KLF12: variants seen among roughly 807,000 people sequenced by gnomAD.
KLF12 encodes KLF transcription factor 12, also known as Krueppel-like factor 12.
KLF12 carries 9 observed loss-of-function variants against 37.8 expected under a neutral mutation model. The observed-to-expected ratio is 0.24, with a 90% CI of 0.14 to 0.42. The LOEUF (loss-of-function observed/expected upper bound fraction) is 0.42, where lower values mean the gene tolerates loss of function less well. Ranked by LOEUF, KLF12 falls within the 10% of genes least tolerant of loss-of-function variation. The pLI, the probability that KLF12 is intolerant of heterozygous loss-of-function variation, is 1.00. For synonymous variants in KLF12, 208 were observed against 202.1 expected (o/e 1.03, Z -0.25); for missense variants, 411 against 516.0 (o/e 0.80, Z 1.97).
chr13:74,261,922 A>G, the KLF12 span, among the ~76,000 whole-genome samples: 32 of 152,338 alleles, frequency 2.1e-4, no homozygotes, highest in Admixed American at 1.6e-3. Flanking sequence ...ATGCTCATCC[A>G]TTGAGCAAGA....
chr13:74,288,927 T>A, the KLF12 span, among the ~76,000 whole-genome samples: 1 of 152,158 alleles, frequency 6.6e-6, no homozygotes, highest in African/African-American at 2.4e-5. Flanking sequence ...CATTCAAGCT[T>A]CTCTTGCATT....
chr13:74,103,312 T>TAGCTGATCATTTGA (rs765532375), intron 1 of KLF12, among the ~76,000 whole-genome samples: 4 of 152,244 alleles, frequency 2.6e-5, no homozygotes, highest in Non-Finnish European at 4.4e-5. Context: ...AGTATCCTTG[T>TAGCTGATCATTTGA]AGCTGATCAT....
chr13:74,051,305 TAAAG>T (rs1872904870), intron 1 of KLF12, among the ~76,000 whole-genome samples: 1 of 149,198 alleles, frequency 6.7e-6, no homozygotes, highest in Admixed American at 6.8e-5. Flanking sequence ...GATGAATGGA[TAAAG>T]AAAATGTGGT....
At chr13:74,192,166 T>TA in the KLF12 span, among the ~76,000 whole-genome samples, 20 of 150,712 alleles carry the variant, frequency 1.3e-4, no homozygotes, top group Non-Finnish European at 2.1e-4. Context: ...ACTATTAACT[T>TA]AAAAAAAAAT....
intron 2 of KLF12, among the ~76,000 whole-genome samples, chr13:73,971,780 A>G (rs1313451777): frequency 6.6e-6 from 1 of 152,198 alleles, no homozygotes; most frequent in Non-Finnish European, 1.5e-5. Context: ...CTGTAATACT[A>G]CCACTTTGGG....
intron 2 of KLF12, among the ~76,000 whole-genome samples, chr13:73,972,786 A>G (rs967338329): frequency 1.3e-5 from 2 of 151,034 alleles, no homozygotes; most frequent in African/African-American, 4.9e-5. Context: ...AGCACACTCA[A>G]GGTTGTGTGT....
intron 1 of KLF12, among the ~76,000 whole-genome samples, chr13:74,051,534 A>C (rs1316676517): frequency 6.6e-6 from 1 of 152,116 alleles, no homozygotes; most frequent in African/African-American, 2.4e-5. Context: ...AAAATGAGTG[A>C]AACAGCAGAG....
rs796531350 is a variant in KLF12, at chr13:73,928,105, C to T, written c.123+15876G>A. The stretch of plus-strand genomic sequence containing the variant: ...TCTCTTGACCTCATGATCTGCCTGC[C>T]TCAGCCTCCCACAATGCTGGGATTA... On this transcript the variant is annotated intron_variant, in intron 3 of 7. Coordinates refer to ENST00000377669, the MANE Select transcript of KLF12 (RefSeq NM_007249.5). Among the ~76,000 whole-genome samples the T allele has an allele frequency of 7.4e-4, 113 of 152,294 alleles. 1 individual carries two copies. The highest frequency in any genetic ancestry group is 2.7e-3 in the African/African-American group (112 of 41,576).
chr13:74,238,424 G>T, the KLF12 span, among the ~76,000 whole-genome samples: 1 of 138,442 alleles, frequency 7.2e-6, no homozygotes, highest in Non-Finnish European at 1.5e-5. Context: ...GTCTCTGCCT[G>T]GCTTTGGTAT....
intron 5 of KLF12, among the ~76,000 whole-genome samples, chr13:73,805,650 GAGGAAGGAAGGAAGGAAGGAAGGAAGGA>G (rs1164051826): frequency 0.014 from 528 of 36,932 alleles, 1 homozygote; most frequent in Middle Eastern, 0.048. Flanking sequence ...GGGAGGGAGG[GAGGAAGGAAGGAAGGAAGGAAGGAAGGA>G]AGGAAGGAAG....
intron 1 of KLF12, among the ~76,000 whole-genome samples, chr13:74,005,421 G>T (rs17218691): frequency 1.3e-5 from 2 of 152,070 alleles, no homozygotes; most frequent in Admixed American, 6.5e-5. Context: ...GGTGAAAAAA[G>T]ACATCGTATA....
At chr13:73,732,393 T>C (rs1447973502) in intron 6 of KLF12, among the ~76,000 whole-genome samples, 3 of 152,194 alleles carry the variant, frequency 2.0e-5, no homozygotes, top group African/African-American at 7.2e-5. Context: ...CCTGGCTGTT[T>C]AACCCCATTT....
At chr13:73,782,237 A>G (rs1881013320) in intron 5 of KLF12, among the ~76,000 whole-genome samples, 2 of 152,196 alleles carry the variant, frequency 1.3e-5, no homozygotes, top group Non-Finnish European at 2.9e-5. Flanking sequence ...GGGATAGTTC[A>G]AAACAATGCC....
chr13:74,140,293 T>A, the KLF12 span, among the ~76,000 whole-genome samples: 1 of 152,058 alleles, frequency 6.6e-6, no homozygotes, highest in African/African-American at 2.4e-5. Flanking sequence ...GAAGCGGAAG[T>A]GACAGGATTG....
intron 3 of KLF12, among the ~76,000 whole-genome samples, chr13:73,892,819 A>C (rs867422536): frequency 2.0e-5 from 3 of 152,170 alleles, no homozygotes; most frequent in Non-Finnish European, 4.4e-5. Context: ...AGTTACAATA[A>C]ACCATTTACT....
chr13:73,974,109 A>G (rs2138127874), intron 2 of KLF12, among the ~76,000 whole-genome samples: 1 of 152,276 alleles, frequency 6.6e-6, no homozygotes, highest in South Asian at 2.1e-4. Flanking sequence ...GAGAAAAGAT[A>G]AGAGGCACAA....
intron 6 of KLF12, among the ~76,000 whole-genome samples, chr13:73,749,489 T>A (rs961006945): frequency 7.2e-5 from 11 of 152,110 alleles, no homozygotes; most frequent in African/African-American, 2.2e-4. Context: ...AAAAGATTTT[T>A]AAAAAAATAG....
chr13:74,077,300 G>T (rs1874622881), intron 1 of KLF12, among the ~76,000 whole-genome samples: 1 of 151,986 alleles, frequency 6.6e-6, no homozygotes, highest in Non-Finnish European at 1.5e-5. Flanking sequence ...ACTGTATTTG[G>T]ACTATGAGTA....
At chr13:74,204,925 G>A in the KLF12 span, among the ~76,000 whole-genome samples, 1 of 152,112 alleles carries the variant, frequency 6.6e-6, no homozygotes, top group Non-Finnish European at 1.5e-5. Context: ...ACTTTTGAGT[G>A]TTGGGCTTTT....
Sources: gnomAD v4.1 joint callset for allele counts (sites outside exome capture counted in the v4.1 genomes callset) on GRCh38, gnomAD v4.1.1 for gene constraint, MANE v1.5 for transcripts, NCBI Gene and HGNC (gene_info 2026-07-23, HGNC 2026-07-21) for gene names.